Variants in FBXL13 observed in about 807,000 individuals in gnomAD.
FBXL13 encodes the protein F-box and leucine-rich repeat protein 13.
In FBXL13, 67 loss-of-function variants were observed where a neutral mutation model predicts 83.6. The ratio of observed to expected loss-of-function variants is 0.80; its 90% confidence interval spans 0.66 to 0.98. The LOEUF is 0.98. Among genes scored for constraint, FBXL13 ranks in the 50% least tolerant of loss-of-function variants. FBXL13 has a pLI of 0.00. For missense variants in FBXL13, 822 were observed against 866.5 expected (o/e 0.95, Z 0.64); for synonymous variants, 272 against 299.5 (o/e 0.91, Z 0.95).
At chr7:102,901,368 T>C (rs1372116280) in intron 11 of FBXL13, among the ~76,000 whole-genome samples, 10 of 152,214 alleles carry the variant, frequency 6.6e-5, no homozygotes, top group African/African-American at 2.4e-4. Context: ...CTATGGAGAC[T>C]GTGGTATCCA....
At chr7:102,915,823 T>C (rs959855370) in intron 10 of FBXL13, among the ~76,000 whole-genome samples, 2 of 152,204 alleles carry the variant, frequency 1.3e-5, no homozygotes, top group African/African-American at 4.8e-5. Context: ...CTGCTGTGAT[T>C]GTGAACTATC....
Position 103,009,988 on chromosome 7 carries a change from T to A in FBXL13, c.495+15075A>T, listed in dbSNP as rs536178562. Among the ~76,000 whole-genome samples, 3 of 152,284 alleles carry A rather than the reference T, an allele frequency of 2.0e-5. No individual in the cohort carries two copies. In the East Asian group the frequency reaches 5.8e-4, roughly 29 times the overall value. On this transcript the variant is annotated intron_variant, in intron 6 of 19. Coordinates refer to ENST00000313221, the Ensembl canonical transcript of FBXL13. ...TTGCAGCCCAGCAGCCCCACTTCTGTGTGAACTGAGCCAGAAGGCATAGCT... is the reference window on the plus strand; with the variant it reads ...TTGCAGCCCAGCAGCCCCACTTCTGAGTGAACTGAGCCAGAAGGCATAGCT...
intron 5 of FBXL13, among the ~76,000 whole-genome samples, chr7:103,027,085 C>T (rs984504874): frequency 1.4e-4 from 22 of 152,072 alleles, no homozygotes; most frequent in Admixed American, 1.2e-3. Context: ...CCTGAGGTCA[C>T]GAGTTCAAGA....
intron 2 of FBXL13, 84 bp from the exon 4 acceptor site, chr7:103,029,502 G>A (rs566902820): frequency 1.3e-5 from 9 of 690,332 alleles, no homozygotes; most frequent in Admixed American, 4.0e-5. Context: ...TCAAGAAAAA[G>A]AGAGCAATGG....
At chr7:102,943,710 T>C (rs1189409227) in intron 8 of FBXL13, among the ~76,000 whole-genome samples, 1 of 152,156 alleles carries the variant, frequency 6.6e-6, no homozygotes, top group Non-Finnish European at 1.5e-5. Flanking sequence ...ACATATACGT[T>C]TTCAGGACAA....
chr7:103,034,020 T>C (rs917648638), intron 2 of FBXL13, among the ~76,000 whole-genome samples: 43 of 152,312 alleles, frequency 2.8e-4, no homozygotes, highest in South Asian at 1.2e-3. Context: ...AGAGTGTCGA[T>C]TGGTGCATTC....
chr7:102,956,504 A>G (rs1824294503), intron 8 of FBXL13, among the ~76,000 whole-genome samples: 1 of 152,210 alleles, frequency 6.6e-6, no homozygotes, highest in African/African-American at 2.4e-5. Context: ...CACCACTCCT[A>G]TTGAACATAG....
At chr7:102,909,786 C>T (rs189033131) in intron 11 of FBXL13, among the ~76,000 whole-genome samples, 3 of 152,288 alleles carry the variant, frequency 2.0e-5, no homozygotes, top group East Asian at 1.9e-4. Context: ...CCTCCCTACT[C>T]GTCCTTCTCC....
chr7:102,953,546 G>A (rs1041047316), intron 8 of FBXL13, among the ~76,000 whole-genome samples: 3 of 152,122 alleles, frequency 2.0e-5, no homozygotes, highest in Non-Finnish European at 4.4e-5. Context: ...AAAAAAAAGG[G>A]AGAATGGGTA....
At chr7:102,916,145 G>A (rs959981367) in intron 10 of FBXL13, among the ~76,000 whole-genome samples, 17 of 152,104 alleles carry the variant, frequency 1.1e-4, no homozygotes, top group Non-Finnish European at 2.2e-4. Flanking sequence ...CACGACGCCT[G>A]GCTAATTTTT....
intron 17 of FBXL13, 93 bp from the exon 19 acceptor site, chr7:102,833,067 C>T: frequency 1.5e-6 from 2 of 1,347,016 alleles, no homozygotes; most frequent in Non-Finnish European, 2.0e-6. Flanking sequence ...ATTTCAGTCC[C>T]TGAAATACAG....
intron 1 of FBXL13, among the ~76,000 whole-genome samples, chr7:103,059,831 C>G (rs1329319871): frequency 6.6e-6 from 1 of 151,774 alleles, no homozygotes; most frequent in Non-Finnish European, 1.5e-5. Context: ...GTGGAGTCCA[C>G]TTGGTTTAAA....
chr7:103,007,437 T>C (rs935781810), intron 6 of FBXL13, among the ~76,000 whole-genome samples: 2 of 152,118 alleles, frequency 1.3e-5, no homozygotes, highest in Non-Finnish European at 2.9e-5. Context: ...GATGGAATTA[T>C]ATGTTAAAAT....
intron 6 of FBXL13, among the ~76,000 whole-genome samples, chr7:102,989,773 T>C (rs1829369708): frequency 2.0e-5 from 3 of 152,226 alleles, no homozygotes; most frequent in Admixed American, 2.0e-4. Flanking sequence ...TATTTCTCAA[T>C]TGGTTCCAAA....
At chr7:102,987,679 T>C (rs1829128914) in intron 6 of FBXL13, among the ~76,000 whole-genome samples, 1 of 152,214 alleles carries the variant, frequency 6.6e-6, no homozygotes, top group African/African-American at 2.4e-5. Context: ...GCATCTTGAG[T>C]GGGTATCATA....
chr7:103,025,178 T>C (rs770069113), exon 6 of FBXL13: 113 of 1,607,446 alleles, frequency 7.0e-5, no homozygotes, highest in Non-Finnish European at 1.5e-5. Flanking sequence ...AGCAGCTCTT[T>C]TGAGTATTAA....
At chr7:102,853,916 G>A (rs944441198) in intron 17 of FBXL13, among the ~76,000 whole-genome samples, 3 of 152,168 alleles carry the variant, frequency 2.0e-5, no homozygotes, top group African/African-American at 4.8e-5. Context: ...CTTTTACACT[G>A]TCGGTGGGAC....
intron 18 of FBXL13, among the ~76,000 whole-genome samples, chr7:102,826,348 C>T (rs750640498): frequency 2.6e-5 from 4 of 152,060 alleles, no homozygotes; most frequent in African/African-American, 9.7e-5. Context: ...AAATAATGTG[C>T]TTTAAAGGTC....
intron 11 of FBXL13, among the ~76,000 whole-genome samples, chr7:102,897,126 T>C (rs1254446827): frequency 6.6e-6 from 1 of 151,750 alleles, no homozygotes; most frequent in Non-Finnish European, 1.5e-5. Flanking sequence ...TATATATATG[T>C]ATATGTGTGT....
Sources: allele counts gnomAD v4.1 joint callset (sites outside exome capture counted in the v4.1 genomes callset), GRCh38; gene constraint gnomAD v4.1.1; transcripts MANE v1.5; gene names NCBI Gene and HGNC (gene_info 2026-07-23, HGNC 2026-07-21).